The following PLA2G4C variants were observed in gnomAD, a reference collection of about 807,000 sequenced individuals.
PLA2G4C encodes cytosolic phospholipase A2 gamma.
A neutral mutation model predicts 73.8 loss-of-function variants in PLA2G4C; 64 were observed. That is an observed-to-expected ratio of 0.87 (90% CI 0.71 to 1.07). PLA2G4C has a LOEUF of 1.07. PLA2G4C is among the 50% of genes least tolerant of loss of function. The probability of loss-of-function intolerance (pLI) is 0.00; values close to 1 mark genes in which losing one functional copy is unlikely to be tolerated. For missense variants in PLA2G4C, 622 were observed against 665.4 expected (o/e 0.93, Z 0.72); for synonymous variants, 254 against 252.1 (o/e 1.01, Z -0.07).
At chr19:48,107,560 C>T (rs553837763) in intron 1 of PLA2G4C, among the ~76,000 whole-genome samples, 5 of 152,226 alleles carry the variant, frequency 3.3e-5, no homozygotes, top group South Asian at 2.1e-4. Flanking sequence ...CATTGCCTAG[C>T]GGACCTTGGT....
At position 48,053,068 on chromosome 19, in the gene PLA2G4C, G is replaced by A; in HGVS notation, c.1509C>T (p.Leu503=). Residue 503 remains leucine (L), a synonymous_variant, in exon 16 of 17, where the codon CTC becomes CTT. Transcript: ENST00000599921. The part of the protein sequence containing the change: ...DTYTLDVVVL[L]LALAKKNVRE... ...TGACATTCTTCTTGGCTAATGCCAA[G>A]AGTAGCACCACCACATCTAGAGTGT... is the stretch of plus-strand genomic sequence containing the variant. 6.2e-7 allele frequency: 1 copy of A among 1,613,568 alleles called. No homozygotes were observed. The highest frequency in any genetic ancestry group is 1.1e-5 in the South Asian group (1 of 91,028).
chr19:48,078,729 A>G (rs552875006), intron 10 of PLA2G4C, among the ~76,000 whole-genome samples: 2 of 152,326 alleles, frequency 1.3e-5, no homozygotes, highest in East Asian at 1.9e-4. Context: ...GATGACACAA[A>G]CAAATGGAAA....
chr19:48,086,758 C>T (rs1046984376), intron 9 of PLA2G4C, among the ~76,000 whole-genome samples: 1 of 152,148 alleles, frequency 6.6e-6, no homozygotes, highest in Middle Eastern at 3.2e-3. Context: ...GAAAATGGCT[C>T]TATGTCCTCA....
intron 7 of PLA2G4C, chr19:48,090,672 G>A: frequency 2.1e-6 from 1 of 479,018 alleles, no homozygotes; most frequent in South Asian, 2.4e-5. Flanking sequence ...AGCCAGCCGG[G>A]CACTGTAGAC....
At chr19:48,100,536 T>C (rs57713593) in intron 4 of PLA2G4C, among the ~76,000 whole-genome samples, 41,083 of 132,178 alleles carry the variant, frequency 0.31, 9,201 homozygotes, top group African/African-American at 0.65. Flanking sequence ...ACCCGGGAGG[T>C]GGAGGTTGCA....
chr19:48,082,699 A>C (rs1156830866), intron 10 of PLA2G4C, among the ~76,000 whole-genome samples: 1 of 149,864 alleles, frequency 6.7e-6, no homozygotes, highest in Non-Finnish European at 1.5e-5. Flanking sequence ...AGGTTTCACC[A>C]TGTTGGCTGG....
At chr19:48,058,911 T>C (rs1968064817) in intron 14 of PLA2G4C, among the ~76,000 whole-genome samples, 1 of 152,058 alleles carries the variant, frequency 6.6e-6, no homozygotes, top group Non-Finnish European at 1.5e-5. Context: ...AAGATGAATT[T>C]GAGAAAAATG....
intron 12 of PLA2G4C, among the ~76,000 whole-genome samples, chr19:48,068,290 C>T (rs1968521486): frequency 8.6e-6 from 1 of 116,458 alleles, no homozygotes; most frequent in Admixed American, 1.2e-4. Context: ...GATGACGGAG[C>T]GAGACTCCAT....
chr19:48,084,347 A>G (rs1306335917), intron 10 of PLA2G4C, among the ~76,000 whole-genome samples: 2 of 151,592 alleles, frequency 1.3e-5, no homozygotes, highest in Non-Finnish European at 2.9e-5. Flanking sequence ...GGCATGAGCC[A>G]CTGCGCCGGG....
chr19:48,074,268 GATA>G (rs2029985122), intron 12 of PLA2G4C, among the ~76,000 whole-genome samples: 1 of 152,140 alleles, frequency 6.6e-6, no homozygotes, highest in Admixed American at 6.6e-5. Context: ...GTTTGCTGAG[GATA>G]ATGACTTCCA....
chr19:48,071,447 C>T (rs906654984), intron 12 of PLA2G4C, among the ~76,000 whole-genome samples: 2 of 152,074 alleles, frequency 1.3e-5, no homozygotes, highest in African/African-American at 2.4e-5. Flanking sequence ...TGTGCCACCA[C>T]GCCCGGCGAA....
intron 10 of PLA2G4C, among the ~76,000 whole-genome samples, chr19:48,078,185 C>A (rs2030298241): frequency 1.3e-5 from 2 of 152,106 alleles, no homozygotes; most frequent in Non-Finnish European, 2.9e-5. Flanking sequence ...GATTAAAGCC[C>A]TCAACAAAAT....
At chr19:48,086,919 T>C (rs756965572) in intron 9 of PLA2G4C, among the ~76,000 whole-genome samples, 16 of 152,134 alleles carry the variant, frequency 1.1e-4, no homozygotes, top group Non-Finnish European at 2.2e-4. Context: ...TGTGTCTCTC[T>C]CCTGCCACCC....
At chr19:48,055,389 GTATA>G (rs4002927) in intron 14 of PLA2G4C, among the ~76,000 whole-genome samples, 1,511 of 132,572 alleles carry the variant, frequency 0.011, 71 homozygotes, top group African/African-American at 0.044. Context: ...CATCTCTACA[GTATA>G]TATATATATA....
chr19:48,090,489 C>G, intron 7 of PLA2G4C, 72 bp from the exon 8 acceptor site: 1 of 1,087,490 alleles, frequency 9.2e-7, no homozygotes, highest in South Asian at 1.2e-5. Context: ...TTCAAAGCAC[C>G]AGCAGACTGG....
intron 1 of PLA2G4C, chr19:48,108,793 A>G (rs80284453): frequency 0.15 from 22,326 of 152,166 alleles, 1,930 homozygotes; most frequent in African/African-American, 0.24. Context: ...CCTGGGCATG[A>G]TGGCGGGCGC....
intron 9 of PLA2G4C, among the ~76,000 whole-genome samples, chr19:48,087,631 G>T (rs2031055399): frequency 6.6e-6 from 1 of 152,112 alleles, no homozygotes; most frequent in Non-Finnish European, 1.5e-5. Flanking sequence ...CAACCCTTCT[G>T]CCTGATAAGA....
At position 48,098,158 on chromosome 19, in the gene PLA2G4C, C is replaced by A. The variant is rs745376510; in HGVS notation, c.549G>T (p.Trp183Cys). 3 of 1,613,462 alleles carry A rather than the reference C, an allele frequency of 1.9e-6. No individual in the cohort carries two copies. The African/African-American group carries it at 4.0e-5, about 22-fold the overall frequency. ...GCTTACCTGGTGCTCTTGCCTCCTG[C>A]CAGGAAGGTTGCAGGTCATTGTCAA... ...AAIDNDLQPS[W>C]QEARAPETWF... The change falls in exon 6 of 17, where the codon TGG becomes TGT. Residue 183 changes from tryptophan (W) to cysteine (C), a missense_variant. Physicochemically the swap from Trp to Cys is radical, Grantham distance 215. Transcript: ENST00000599921.
At chr19:48,083,738 C>T (rs988718905) in intron 10 of PLA2G4C, among the ~76,000 whole-genome samples, 1 of 152,008 alleles carries the variant, frequency 6.6e-6, no homozygotes, top group African/African-American at 2.4e-5. Flanking sequence ...TGAGCCACTG[C>T]GCCCGGCCCC....
Sources: allele counts gnomAD v4.1 joint callset (sites outside exome capture counted in the v4.1 genomes callset), GRCh38; gene constraint gnomAD v4.1.1; transcripts MANE v1.5; gene names NCBI Gene and HGNC (gene_info 2026-07-23, HGNC 2026-07-21).